The following FHIT variants were observed in gnomAD, a reference collection of about 807,000 sequenced individuals.
The protein encoded by FHIT is fragile histidine triad diadenosine triphosphatase.
A neutral mutation model predicts 17.9 loss-of-function variants in FHIT; 19 were observed. The ratio of observed to expected loss-of-function variants is 1.06; its 90% CI spans 0.74 to 1.56. FHIT has a LOEUF of 1.56. Ranked by LOEUF, FHIT falls within the 40% of genes most tolerant of loss-of-function variation. The probability of loss-of-function intolerance (pLI) is 0.00; values close to 1 mark genes in which losing one functional copy is unlikely to be tolerated. For synonymous variants in FHIT, 81 were observed against 69.7 expected, an observed-to-expected ratio of 1.16 and a Z score of -0.81; for missense variants, 248 against 189.2, an observed-to-expected ratio of 1.31 and a Z score of -1.82.
rs539333427 is a variant in FHIT at position 60,317,247 on chromosome 3, G to A, written c.103+219613C>T. Among the ~76,000 whole-genome samples, 102 of 151,490 alleles carry A rather than the reference G, an allele frequency of 6.7e-4. 2 individuals are homozygous for A. The South Asian group carries it at 0.017, about 25-fold the overall frequency. On this transcript the variant is annotated intron_variant, in intron 5 of 9. Transcript: ENST00000492590. Reference sequence around the variant, plus strand: ...CACCCACAAAATAAAATCTACTTAAGAACTTTTGAAAATCAATCCCTATAA... The same window carrying A: ...CACCCACAAAATAAAATCTACTTAAAAACTTTTGAAAATCAATCCCTATAA...
intron 5 of FHIT, among the ~76,000 whole-genome samples, chr3:60,302,066 G>A (rs1216250470): frequency 2.0e-5 from 3 of 152,038 alleles, no homozygotes; most frequent in Non-Finnish European, 4.4e-5. Flanking sequence ...TACTTTAATT[G>A]CTTTTTAAAA....
chr3:60,005,254 A>C (rs540583956), intron 7 of FHIT, among the ~76,000 whole-genome samples: 1 of 152,312 alleles, frequency 6.6e-6, no homozygotes, highest in African/African-American at 2.4e-5. Context: ...TTTTTCTTTC[A>C]GTGCTTTGAT....
intron 4 of FHIT, among the ~76,000 whole-genome samples, chr3:60,698,034 C>T (rs2041154319): frequency 6.6e-6 from 1 of 152,154 alleles, no homozygotes; most frequent in Non-Finnish European, 1.5e-5. Flanking sequence ...CAATGCTAAC[C>T]ACTCTGAGCG....
At chr3:59,891,821 G>T (rs1207848863) in intron 8 of FHIT, among the ~76,000 whole-genome samples, 6 of 152,088 alleles carry the variant, frequency 3.9e-5, no homozygotes, top group Admixed American at 1.3e-4. Context: ...CCATTTAAAG[G>T]ATCCTTGCAG....
intron 5 of FHIT, among the ~76,000 whole-genome samples, chr3:60,483,890 C>T (rs1174700940): frequency 1.3e-5 from 2 of 152,136 alleles, no homozygotes; most frequent in Non-Finnish European, 2.9e-5. Flanking sequence ...GTTAAATTGT[C>T]TCTGTTTAGA....
intron 5 of FHIT, among the ~76,000 whole-genome samples, chr3:60,479,539 T>C (rs2033508920): frequency 6.6e-6 from 1 of 152,202 alleles, no homozygotes; most frequent in African/African-American, 2.4e-5. Context: ...GTGATGCTGG[T>C]ATAAATGAAC....
At chr3:59,976,594 T>C (rs1708422406) in intron 7 of FHIT, among the ~76,000 whole-genome samples, 1 of 151,910 alleles carries the variant, frequency 6.6e-6, no homozygotes, top group Non-Finnish European at 1.5e-5. Flanking sequence ...ATTTAACATC[T>C]CCAGGCACAC....
At chr3:60,805,277 G>A (rs1701343423) in intron 4 of FHIT, among the ~76,000 whole-genome samples, 2 of 152,148 alleles carry the variant, frequency 1.3e-5, no homozygotes, top group African/African-American at 4.8e-5. Flanking sequence ...AAAACACCAA[G>A]GATTGTGTGG....
At chr3:60,194,593 A>T (rs1702540794) in intron 5 of FHIT, among the ~76,000 whole-genome samples, 1 of 152,164 alleles carries the variant, frequency 6.6e-6, no homozygotes, top group South Asian at 2.1e-4. Flanking sequence ...AATGATACCT[A>T]ATTAAACTAA....
intron 2 of FHIT, among the ~76,000 whole-genome samples, chr3:61,183,739 G>C (rs1054962720): frequency 2.6e-5 from 4 of 152,030 alleles, no homozygotes; most frequent in African/African-American, 9.7e-5. Flanking sequence ...AATATCAATG[G>C]AATAATGGTC....
chr3:60,205,877 G>A (rs1490795006), intron 5 of FHIT, among the ~76,000 whole-genome samples: 3 of 151,838 alleles, frequency 2.0e-5, no homozygotes, highest in Non-Finnish European at 4.4e-5. Context: ...GGGAGGCCGA[G>A]GGGGGCAGAT....
At chr3:60,211,535 A>G (rs1703453907) in intron 5 of FHIT, among the ~76,000 whole-genome samples, 1 of 152,216 alleles carries the variant, frequency 6.6e-6, no homozygotes, top group South Asian at 2.1e-4. Context: ...TTGCTATCAT[A>G]AGCACTCACA....
chr3:59,875,460 C>T (rs1458797233), intron 8 of FHIT, among the ~76,000 whole-genome samples: 2 of 152,196 alleles, frequency 1.3e-5, no homozygotes, highest in African/African-American at 4.8e-5. Context: ...GATACCAGGG[C>T]TCTCTCTGGG....
intron 5 of FHIT, among the ~76,000 whole-genome samples, chr3:60,360,305 G>T (rs987484189): frequency 6.6e-6 from 1 of 151,812 alleles, no homozygotes; most frequent in Non-Finnish European, 1.5e-5. Flanking sequence ...GTACAAATTT[G>T]CTGGCACTAT....
At chr3:60,981,980 C>T (rs961232702) in intron 3 of FHIT, among the ~76,000 whole-genome samples, 3 of 152,194 alleles carry the variant, frequency 2.0e-5, no homozygotes, top group African/African-American at 4.8e-5. Flanking sequence ...CACTCCATCT[C>T]GGCAGATACC....
chr3:60,923,690 G>A (rs1707410738), intron 3 of FHIT, among the ~76,000 whole-genome samples: 1 of 152,084 alleles, frequency 6.6e-6, no homozygotes, highest in Admixed American at 6.5e-5. Context: ...TCATCTCACT[G>A]AGGAGTGTCG....
At chr3:60,459,971 T>A (rs2032354173) in intron 5 of FHIT, among the ~76,000 whole-genome samples, 1 of 152,138 alleles carries the variant, frequency 6.6e-6, no homozygotes, top group African/African-American at 2.4e-5. Flanking sequence ...AGACAAGATG[T>A]CCTTCTCTCA....
At chr3:60,511,362 C>A (rs942084450) in intron 5 of FHIT, among the ~76,000 whole-genome samples, 1 of 152,102 alleles carries the variant, frequency 6.6e-6, no homozygotes, top group African/African-American at 2.4e-5. Flanking sequence ...TCCTTCTACA[C>A]AGACAAACAT....
At chr3:60,423,624 T>C (rs1276529856) in intron 5 of FHIT, among the ~76,000 whole-genome samples, 1 of 152,154 alleles carries the variant, frequency 6.6e-6, no homozygotes. Context: ...TAATTTCTTA[T>C]GTATTAAGGT....
Sources: allele counts gnomAD v4.1 joint callset (sites outside exome capture counted in the v4.1 genomes callset), GRCh38; gene constraint gnomAD v4.1.1; transcripts MANE v1.5; gene names NCBI Gene and HGNC (gene_info 2026-07-23, HGNC 2026-07-21).